Variants in TMEM132B observed in about 807,000 individuals in gnomAD.
The protein encoded by TMEM132B is transmembrane protein 132B.
Under a neutral mutation model 90.8 loss-of-function variants are expected in TMEM132B, and 18 were observed. The observed-to-expected ratio is 0.20, with a 90% CI of 0.14 to 0.29. The LOEUF (loss-of-function observed/expected upper bound fraction) is 0.29, where lower values mean the gene tolerates loss of function less well. TMEM132B is among the 10% of genes least tolerant of loss of function. TMEM132B has a pLI of 1.00. For synonymous variants in TMEM132B, 504 were observed against 523.3 expected (o/e 0.96, Z 0.50); for missense variants, 1,096 against 1,326.8 (o/e 0.83, Z 2.70).
At chr12:125,201,382 A>G (rs1160596712) in intron 1 of TMEM132B, among the ~76,000 whole-genome samples, 3 of 152,248 alleles carry the variant, frequency 2.0e-5, no homozygotes, top group East Asian at 1.9e-4. Flanking sequence ...TTCTTTCTCA[A>G]TATTTCTTGT....
intron 1 of TMEM132B, among the ~76,000 whole-genome samples, chr12:125,203,433 C>T (rs1210042639): frequency 6.6e-6 from 1 of 152,182 alleles, no homozygotes; most frequent in Non-Finnish European, 1.5e-5. Context: ...ATAGAAATGA[C>T]ACATCACAAG....
At chr12:125,553,677 GGAGAATATTTTAA>G (rs762167134) in intron 4 of TMEM132B, among the ~76,000 whole-genome samples, 11,092 of 152,158 alleles carry the variant, frequency 0.073, 548 homozygotes, top group South Asian at 0.15. Flanking sequence ...AATCACATAG[GGAGAATATTTTAA>G]TTCTCTTTCA....
At chr12:125,606,107 G>C (rs184889393) in intron 5 of TMEM132B, among the ~76,000 whole-genome samples, 13 of 152,250 alleles carry the variant, frequency 8.5e-5, no homozygotes, top group Admixed American at 7.8e-4. Context: ...GTAGAAAGTG[G>C]GTGGGGATAG....
At chr12:125,386,849 G>A (rs1172932426) in intron 2 of TMEM132B, among the ~76,000 whole-genome samples, 4 of 152,244 alleles carry the variant, frequency 2.6e-5, no homozygotes, top group African/African-American at 9.6e-5. Flanking sequence ...TCACAAAGAA[G>A]TGTGATGATC....
chr12:125,467,276 A>G (rs1316317197), intron 3 of TMEM132B, among the ~76,000 whole-genome samples: 1 of 152,136 alleles, frequency 6.6e-6, no homozygotes, highest in Non-Finnish European at 1.5e-5. Flanking sequence ...GGGGTTGGGG[A>G]TGGGGAAGTG....
chr12:125,303,044 C>T (rs1293080632), intron 1 of TMEM132B, among the ~76,000 whole-genome samples: 1 of 152,066 alleles, frequency 6.6e-6, no homozygotes, highest in Non-Finnish European at 1.5e-5. Context: ...TTGCAGTGAG[C>T]TGAGATCGCA....
intron 4 of TMEM132B, among the ~76,000 whole-genome samples, chr12:125,523,221 G>A (rs778769120): frequency 4.8e-4 from 73 of 152,148 alleles, no homozygotes; most frequent in Non-Finnish European, 9.3e-4. Flanking sequence ...TTCTCTTAGA[G>A]TTCTGGAGGT....
intron 4 of TMEM132B, among the ~76,000 whole-genome samples, chr12:125,572,296 C>A (rs1592999999): frequency 6.6e-6 from 1 of 152,148 alleles, no homozygotes; most frequent in Admixed American, 6.6e-5. Flanking sequence ...GGAGCTGAAG[C>A]CTTTTGGGAG....
chr12:125,589,760 A>C (rs1216173444), intron 5 of TMEM132B, among the ~76,000 whole-genome samples: 2 of 152,092 alleles, frequency 1.3e-5, no homozygotes, highest in Non-Finnish European at 2.9e-5. Flanking sequence ...ATCTATCGTG[A>C]GGACAGTACT....
chr12:125,316,688 GGCAGGAAGT>G (rs1360971308), intron 1 of TMEM132B, among the ~76,000 whole-genome samples: 1 of 142,986 alleles, frequency 7.0e-6, no homozygotes, highest in East Asian at 2.1e-4. Flanking sequence ...CGGAAGAGGG[GGCAGGAAGT>G]GCAAATGTCC....
chr12:125,413,877 C>T (rs1879931194), intron 2 of TMEM132B, among the ~76,000 whole-genome samples: 1 of 118,518 alleles, frequency 8.4e-6, no homozygotes, highest in African/African-American at 4.0e-5. Context: ...AATTGCTAGA[C>T]CATATGGTAA....
At chr12:125,593,769 C>T (rs1013702277) in intron 5 of TMEM132B, among the ~76,000 whole-genome samples, 3 of 152,044 alleles carry the variant, frequency 2.0e-5, no homozygotes, top group African/African-American at 7.2e-5. Flanking sequence ...CCTGAAGAAA[C>T]TCAAATTAAA....
intron 4 of TMEM132B, among the ~76,000 whole-genome samples, chr12:125,543,252 G>T (rs1884001850): frequency 6.6e-6 from 1 of 152,062 alleles, no homozygotes; most frequent in African/African-American, 2.4e-5. Context: ...CCTATCTCCA[G>T]GTTCTGCATT....
At chr12:125,515,591 T>A (rs1883120741) in intron 3 of TMEM132B, among the ~76,000 whole-genome samples, 1 of 150,008 alleles carries the variant, frequency 6.7e-6, no homozygotes, top group South Asian at 2.1e-4. Flanking sequence ...ACATTCCCTC[T>A]CACACACACT....
chr12:125,468,252 C>T (rs1471374), intron 3 of TMEM132B, among the ~76,000 whole-genome samples: 84,269 of 151,868 alleles, frequency 0.55, 24,632 homozygotes, highest in African/African-American at 0.75. Context: ...CCAATTTCTC[C>T]ACATCCTTGT....
Position 125,448,997 on chromosome 12 carries a change from C to T in TMEM132B, c.1106+33320C>T, listed in dbSNP as rs944822254. Among the ~76,000 whole-genome samples, 9 of 130,216 alleles carry T rather than the reference C, an allele frequency of 6.9e-5. No homozygotes were observed. In the South Asian group the frequency reaches 7.2e-4, roughly 10 times the overall value. The allele number at this position is 130,216 out of a possible 152,430, so 85.4% of individuals were successfully genotyped here. A position where few individuals can be genotyped will look rare whatever the true frequency, so the allele number is the denominator to read the frequency against. ...TTTTTTTTTTTTTGAGATGGAGTCT[C>T]GCTTTGTGCCCCAGGCTGGAGTGCA... is the stretch of plus-strand genomic sequence containing the variant. On this transcript the variant is annotated intron_variant, in intron 3 of 8. Transcript: ENST00000682704.
At chr12:125,563,533 T>G (rs1208759134) in intron 4 of TMEM132B, among the ~76,000 whole-genome samples, 1 of 151,578 alleles carries the variant, frequency 6.6e-6, no homozygotes, top group Non-Finnish European at 1.5e-5. Context: ...ACCACTGCAC[T>G]CCAGCCTGGC....
chr12:125,340,598 C>T (rs1437751237), intron 1 of TMEM132B, among the ~76,000 whole-genome samples: 2 of 152,196 alleles, frequency 1.3e-5, no homozygotes, highest in Non-Finnish European at 2.9e-5. Context: ...TTGCCTTCAA[C>T]TGTCTCTGTA....
At chr12:125,595,186 C>T (rs1276174772) in intron 5 of TMEM132B, among the ~76,000 whole-genome samples, 1 of 152,204 alleles carries the variant, frequency 6.6e-6, no homozygotes, top group Non-Finnish European at 1.5e-5. Flanking sequence ...TTGCCCTTAG[C>T]TGGCAGCTCC....
Sources: allele counts gnomAD v4.1 joint callset (sites outside exome capture counted in the v4.1 genomes callset), GRCh38; gene constraint gnomAD v4.1.1; transcripts MANE v1.5; gene names NCBI Gene and HGNC (gene_info 2026-07-23, HGNC 2026-07-21).